MACROD2: variants seen among roughly 807,000 people sequenced by gnomAD.
MACROD2 encodes mono-ADP ribosylhydrolase 2.
In MACROD2, 36 loss-of-function variants were observed where a neutral mutation model predicts 70.4. That is an observed-to-expected ratio of 0.51 (90% CI 0.39 to 0.68). The LOEUF is 0.68. MACROD2 is among the 30% of genes least tolerant of loss of function. The probability of loss-of-function intolerance (pLI) is 0.00; values close to 1 mark genes in which losing one functional copy is unlikely to be tolerated. For missense variants in MACROD2, 496 were observed against 538.4 expected, an observed-to-expected ratio of 0.92 and a Z score of 0.78; for synonymous variants, 172 against 178.8, an observed-to-expected ratio of 0.96 and a Z score of 0.30.
chr20:14,630,626 A>T (rs565330433), intron 4 of MACROD2, among the ~76,000 whole-genome samples: 10 of 152,284 alleles, frequency 6.6e-5, no homozygotes, highest in African/African-American at 2.4e-4. Context: ...ATTTTAATTG[A>T]TTCTCACCAG....
At chr20:15,013,174 C>T (rs2075096326) in intron 5 of MACROD2, among the ~76,000 whole-genome samples, 1 of 152,128 alleles carries the variant, frequency 6.6e-6, no homozygotes, top group Non-Finnish European at 1.5e-5. Context: ...GCATTCCCTC[C>T]TGGCAACTGT....
At chr20:15,713,059 T>C (rs1029533710) in intron 8 of MACROD2, among the ~76,000 whole-genome samples, 1 of 152,148 alleles carries the variant, frequency 6.6e-6, no homozygotes, top group African/African-American at 2.4e-5. Flanking sequence ...CATTTTTTCT[T>C]GGATAGATTA....
chr20:15,617,298 G>A (rs991094800), intron 8 of MACROD2, among the ~76,000 whole-genome samples: 1 of 152,150 alleles, frequency 6.6e-6, no homozygotes, highest in African/African-American at 2.4e-5. Flanking sequence ...GTTTAGATCA[G>A]GAAGGATGGG....
intron 7 of MACROD2, among the ~76,000 whole-genome samples, chr20:15,476,061 A>T (rs2047018357): frequency 6.6e-6 from 1 of 152,226 alleles, no homozygotes; most frequent in African/African-American, 2.4e-5. Context: ...GAGTCAAGCA[A>T]AATGTTTGAG....
At chr20:15,101,291 C>T (rs960320260) in intron 5 of MACROD2, among the ~76,000 whole-genome samples, 1 of 151,986 alleles carries the variant, frequency 6.6e-6, no homozygotes, top group African/African-American at 2.4e-5. Flanking sequence ...GGAAATAAGG[C>T]ATTTTATCTA....
intron 15 of MACROD2, among the ~76,000 whole-genome samples, chr20:15,990,197 C>T (rs2066539123): frequency 6.6e-6 from 1 of 152,126 alleles, no homozygotes; most frequent in South Asian, 2.1e-4. Flanking sequence ...TATGATTTCC[C>T]AGCAGGACCT....
chr20:14,893,375 A>T (rs2073788149), intron 5 of MACROD2: 2 of 152,104 alleles, frequency 1.3e-5, no homozygotes, highest in African/African-American at 2.4e-5. Context: ...GAAATTTAAT[A>T]CTGTTTTTGA....
At chr20:14,095,364 G>A (rs868367658) in intron 3 of MACROD2, among the ~76,000 whole-genome samples, 4 of 152,102 alleles carry the variant, frequency 2.6e-5, no homozygotes, top group Non-Finnish European at 2.9e-5. Flanking sequence ...GTGAGAGACT[G>A]GAATTAAAGA....
At chr20:14,190,999 G>T (rs935669188) in intron 3 of MACROD2, among the ~76,000 whole-genome samples, 1 of 151,872 alleles carries the variant, frequency 6.6e-6, no homozygotes, top group African/African-American at 2.4e-5. Flanking sequence ...GAGCCACCGC[G>T]CCTGGCCATA....
intron 10 of MACROD2, among the ~76,000 whole-genome samples, chr20:15,915,983 T>C (rs1040760201): frequency 4.6e-5 from 7 of 152,078 alleles, no homozygotes; most frequent in Non-Finnish European, 1.0e-4. Flanking sequence ...AGCTGGATCA[T>C]GAAGAGGTAA....
intron 8 of MACROD2, among the ~76,000 whole-genome samples, chr20:15,765,086 C>A: frequency 6.6e-6 from 1 of 152,122 alleles, no homozygotes; most frequent in Non-Finnish European, 1.5e-5. Context: ...AATGGCACTT[C>A]CTCAAAGAGG....
At chr20:14,390,337 C>T (rs1294297016) in intron 3 of MACROD2, among the ~76,000 whole-genome samples, 1 of 152,192 alleles carries the variant, frequency 6.6e-6, no homozygotes, top group African/African-American at 2.4e-5. Flanking sequence ...TTTATAGATT[C>T]AGTGCCATTT....
Position 15,150,730 on chromosome 20 carries a change from C to T in MACROD2, c.419-79210C>T, listed in dbSNP as rs184130728. On this transcript the variant is annotated intron_variant, in intron 5 of 17. Transcript: ENST00000684519. ...GGAGGCTTTGGATTGGGAAGAAGGGCGGCAATGAGATGTGGCTGTAGTCCA... is the reference window on the plus strand; with the variant it reads ...GGAGGCTTTGGATTGGGAAGAAGGGTGGCAATGAGATGTGGCTGTAGTCCA... Among the ~76,000 whole-genome samples, 80 of 151,750 alleles carry T rather than the reference C, an allele frequency of 5.3e-4. 2 individuals carry two copies. The South Asian group carries it at 0.015, about 28-fold the overall frequency.
chr20:14,195,723 C>G (rs752198606), intron 3 of MACROD2, among the ~76,000 whole-genome samples: 1 of 152,120 alleles, frequency 6.6e-6, no homozygotes, highest in African/African-American at 2.4e-5. Context: ...GCAGAGCATG[C>G]GAAGTTTGGC....
intron 5 of MACROD2, among the ~76,000 whole-genome samples, chr20:14,711,497 C>T (rs1485610225): frequency 2.6e-5 from 4 of 152,116 alleles, no homozygotes; most frequent in Non-Finnish European, 1.5e-5. Flanking sequence ...ATCCTAAAGA[C>T]CAGGTGATAG....
intron 8 of MACROD2, among the ~76,000 whole-genome samples, chr20:15,642,830 C>T (rs547954823): frequency 1.8e-4 from 27 of 152,208 alleles, no homozygotes; most frequent in African/African-American, 5.3e-4. Context: ...TCTCTGAGCA[C>T]ACTGTACGTC....
At chr20:14,931,394 T>C (rs1323393752) in intron 5 of MACROD2, among the ~76,000 whole-genome samples, 1 of 152,126 alleles carries the variant, frequency 6.6e-6, no homozygotes, top group Non-Finnish European at 1.5e-5. Context: ...AGGCCCCTGA[T>C]CCCTGTATAG....
chr20:15,785,298 G>A (rs1244086969), intron 8 of MACROD2, among the ~76,000 whole-genome samples: 1 of 152,134 alleles, frequency 6.6e-6, no homozygotes, highest in Non-Finnish European at 1.5e-5. Context: ...AAACACAGCA[G>A]TGGCTCTGAA....
chr20:15,143,611 TA>T (rs2076208467), intron 5 of MACROD2, among the ~76,000 whole-genome samples: 1 of 150,774 alleles, frequency 6.6e-6, no homozygotes, highest in East Asian at 1.9e-4. Flanking sequence ...CATTTTTTTT[TA>T]ATCTTGTTAA....
Sources: gnomAD v4.1 joint callset for allele counts (sites outside exome capture counted in the v4.1 genomes callset) on GRCh38, gnomAD v4.1.1 for gene constraint, MANE v1.5 for transcripts, NCBI Gene and HGNC (gene_info 2026-07-23, HGNC 2026-07-21) for gene names.